Variants in SPAG17 observed in about 807,000 individuals in gnomAD.
SPAG17 encodes sperm associated antigen 17.
In SPAG17, 169 loss-of-function variants were observed where a neutral mutation model predicts 273.6. That is an observed-to-expected ratio of 0.62 (90% CI 0.55 to 0.70). The LOEUF is 0.70. SPAG17 is among the 30% of genes least tolerant of loss of function. The pLI is 0.00. For missense variants in SPAG17, 2,557 were observed against 2,627.8 expected (o/e 0.97, Z 0.59); for synonymous variants, 825 against 873.2 (o/e 0.94, Z 0.97).
At chr1:118,060,566 C>A (rs574659350) in intron 18 of SPAG17, among the ~76,000 whole-genome samples, 6 of 152,194 alleles carry the variant, frequency 3.9e-5, no homozygotes, top group African/African-American at 1.4e-4. Context: ...TATGAAACAC[C>A]ATTACAGTAT....
chr1:118,148,166 T>C (rs1279453922), intron 3 of SPAG17, among the ~76,000 whole-genome samples: 1 of 152,222 alleles, frequency 6.6e-6, no homozygotes, highest in Admixed American at 6.5e-5. Context: ...AGAAATGGGA[T>C]GTTGCAAGAC....
intron 32 of SPAG17, among the ~76,000 whole-genome samples, chr1:118,004,522 C>A (rs564938410): frequency 6.6e-6 from 1 of 152,210 alleles, no homozygotes. Context: ...TCAGCAATGG[C>A]GGACCCCCTC....
At chr1:117,974,662 T>C (rs1026610698) in intron 43 of SPAG17, among the ~76,000 whole-genome samples, 1 of 152,226 alleles carries the variant, frequency 6.6e-6, no homozygotes, top group African/African-American at 2.4e-5. Flanking sequence ...GTTGTTCTTT[T>C]CCTCAGTTAC....
intron 20 of SPAG17, among the ~76,000 whole-genome samples, chr1:118,044,283 G>A (rs1014646250): frequency 8.5e-5 from 13 of 152,058 alleles, no homozygotes; most frequent in African/African-American, 3.1e-4. Context: ...TCAGGAGTTC[G>A]AGACCAGCCT....
At chr1:118,085,688 C>T (rs72697594) in intron 13 of SPAG17, among the ~76,000 whole-genome samples, 4 of 152,054 alleles carry the variant, frequency 2.6e-5, no homozygotes, top group South Asian at 2.1e-4. Context: ...GAAAACACAA[C>T]GGGAAAAAAA....
In SPAG17 at chr1:118,114,540, T is replaced by C. The variant is rs146602359; in HGVS notation, c.447+770A>G. Among the ~76,000 whole-genome samples the C allele has an allele frequency of 6.6e-3, 999 of 152,300 alleles. 10 individuals carry two copies. Among genetic ancestry groups the C allele is most frequent in the African/African-American group, 0.023 (948 of 41,574 alleles). On this transcript the variant is annotated intron_variant, in intron 4 of 48. Coordinates refer to ENST00000336338, the MANE Select transcript of SPAG17 (RefSeq NM_206996.4). ...TAAGGCATAAAGAAATGACTTCATA[T>C]GCAAATCCATTTCATACATACACAT...
chr1:117,964,286 G>GT (rs1371202149), intron 47 of SPAG17: 1 of 160,312 alleles, frequency 6.2e-6, no homozygotes, highest in African/African-American at 2.5e-5. Flanking sequence ...TGTTGACACT[G>GT]TAAGTAAGTA....
At chr1:118,126,203 C>CTTTTTT (rs776674134) in intron 3 of SPAG17, among the ~76,000 whole-genome samples, 4 of 110,582 alleles carry the variant, frequency 3.6e-5, no homozygotes, top group Admixed American at 2.1e-4. Context: ...ATCCTTTATC[C>CTTTTTT]TTTTTTTTTT....
chr1:118,172,421 T>C (rs1660456580), intron 1 of SPAG17, among the ~76,000 whole-genome samples: 1 of 152,162 alleles, frequency 6.6e-6, no homozygotes, highest in Non-Finnish European at 1.5e-5. Flanking sequence ...GCATTTAATG[T>C]TTCCTGTAGT....
rs540496358 is a variant in SPAG17, at chr1:118,001,172, C to T, written c.4776+4242G>A. Among the ~76,000 whole-genome samples, 7 of 152,232 alleles carry T rather than the reference C, an allele frequency of 4.6e-5. No homozygotes were observed. In the East Asian group the frequency reaches 7.7e-4, roughly 17 times the overall value. On this transcript the variant is annotated intron_variant, in intron 32 of 48. Coordinates refer to ENST00000336338, the MANE Select transcript of SPAG17 (RefSeq NM_206996.4). ...CAGCCTTGCATCCTGTGAATGAAGC[C>T]GACCTGAACATGGCGGATAAGGTTT...
chr1:118,171,100 G>A (rs1432942410), intron 1 of SPAG17, among the ~76,000 whole-genome samples: 1 of 152,114 alleles, frequency 6.6e-6, no homozygotes, highest in East Asian at 1.9e-4. Context: ...CTATAATGAA[G>A]GCATGAGAAT....
rs1419559574 is a variant in SPAG17, at chr1:118,097,652, A to G, written c.1011+18T>C. 1 of 1,549,110 alleles carries G rather than the reference A, an allele frequency of 6.5e-7. No homozygotes were observed. The highest frequency in any genetic ancestry group is 2.3e-5 in the East Asian group (1 of 43,204). On this transcript the variant is annotated intron_variant, in intron 7 of 48. Transcript: ENST00000336338. ...TCACATGTTAAAACCATGCACTCTC[A>G]GTAATGTGTGTACTAACCATCATCT...
At chr1:118,109,859 T>C (rs1656655397) in intron 4 of SPAG17, among the ~76,000 whole-genome samples, 1 of 152,084 alleles carries the variant, frequency 6.6e-6, no homozygotes, top group African/African-American at 2.4e-5. Context: ...AGACCGTAGG[T>C]TAAACAATAT....
intron 29 of SPAG17, among the ~76,000 whole-genome samples, chr1:118,015,654 T>C (rs1659885657): frequency 6.6e-6 from 1 of 152,090 alleles, no homozygotes; most frequent in South Asian, 2.1e-4. Flanking sequence ...ATTAATCACA[T>C]ATATCTTAAA....
rs371811965 is a variant in SPAG17 at position 118,001,384 on chromosome 1, C to T, written c.4776+4030G>A. On this transcript the variant is annotated intron_variant, in intron 32 of 48. Transcript: ENST00000336338. ...CTTTTTCTATTGATTGGAATAGTTT[C>T]AGAAGGAATGGTACCAGGTCCTTTT... Among the ~76,000 whole-genome samples, 119 of 152,266 alleles carry T rather than the reference C, an allele frequency of 7.8e-4. 1 individual carries two copies. The South Asian group carries it at 0.024, about 30-fold the overall frequency.
rs147332707 is a variant in SPAG17 at position 118,024,863 on chromosome 1, G to C, written c.3909+375C>G. Among the ~76,000 whole-genome samples the C allele has an allele frequency of 1.2e-3, 176 of 152,190 alleles. 2 individuals are homozygous for C. The highest frequency in any genetic ancestry group is 4.0e-3 in the African/African-American group (167 of 41,532). ...TTTCTCCATCAGTTTGATCTCATCT[G>C]ATCTGCATTTTAAAAGAAATTATCG... On this transcript the variant is annotated intron_variant, in intron 27 of 48. Coordinates refer to ENST00000336338, the MANE Select transcript of SPAG17 (RefSeq NM_206996.4).
At chr1:118,158,241 T>C (rs1195492890) in intron 1 of SPAG17, among the ~76,000 whole-genome samples, 1 of 152,208 alleles carries the variant, frequency 6.6e-6, no homozygotes, top group Admixed American at 6.5e-5. Flanking sequence ...TTTTGTGCCC[T>C]GTGCAAGTCT....
intron 1 of SPAG17, among the ~76,000 whole-genome samples, chr1:118,159,792 G>A (rs935618518): frequency 6.6e-6 from 1 of 152,084 alleles, no homozygotes; most frequent in African/African-American, 2.4e-5. Context: ...TTTTAAGACA[G>A]CTATTAAAAC....
At chr1:118,161,612 A>T (rs143035652) in intron 1 of SPAG17, among the ~76,000 whole-genome samples, 261 of 152,022 alleles carry the variant, frequency 1.7e-3, no homozygotes, top group African/African-American at 4.8e-3. Context: ...ATCTCGGCAC[A>T]CTGCAAGCTC....
Sources: gnomAD v4.1 joint callset for allele counts (sites outside exome capture counted in the v4.1 genomes callset) on GRCh38, gnomAD v4.1.1 for gene constraint, MANE v1.5 for transcripts, NCBI Gene and HGNC (gene_info 2026-07-23, HGNC 2026-07-21) for gene names.